The following NKD1 variants were observed in gnomAD, a reference collection of about 807,000 sequenced individuals.
NKD1 encodes NKD inhibitor of Wnt signaling pathway 1, also known as protein naked cuticle homolog 1.
In NKD1, 21 loss-of-function variants were observed where a neutral mutation model predicts 56.0. The ratio of observed to expected loss-of-function variants is 0.38; its 90% CI spans 0.27 to 0.54. The LOEUF (loss-of-function observed/expected upper bound fraction) is 0.54, where lower values mean the gene tolerates loss of function less well. Among genes scored for constraint, NKD1 ranks in the 20% least tolerant of loss-of-function variants. The pLI, the probability that NKD1 is intolerant of heterozygous loss-of-function variation, is 0.82. For missense variants in NKD1, 578 were observed against 642.7 expected (o/e 0.90, Z 1.09); for synonymous variants, 263 against 265.7 (o/e 0.99, Z 0.10).
chr16:50,552,505 A>G (rs1159876134), intron 3 of NKD1: 1 of 152,242 alleles, frequency 6.6e-6, no homozygotes, highest in Non-Finnish European at 1.5e-5. Flanking sequence ...AATGTCCCAG[A>G]TGAGTCCAAG....
At chr16:50,584,928 C>G (rs375332337) in intron 3 of NKD1, among the ~76,000 whole-genome samples, 2 of 152,304 alleles carry the variant, frequency 1.3e-5, no homozygotes, top group Admixed American at 6.5e-5. Context: ...GCCCAGGCGC[C>G]CAGACTGAGG....
intron 1 of NKD1, 37 bp from the exon 2 acceptor site, chr16:50,548,680 C>A: frequency 1.4e-6 from 2 of 1,463,680 alleles, no homozygotes; most frequent in African/African-American, 3.0e-5. Flanking sequence ...GCCGCCGCGG[C>A]TGCCGCCGCC....
rs958494670 is a variant in NKD1, at chr16:50,548,447, T to C, written c.-107T>C. 1.2e-4 allele frequency: 71 copies of C among 611,072 alleles called. No individual in the cohort carries two copies. The African/African-American group carries it at 1.4e-3, about 12-fold the overall frequency. The allele number at this position is 611,072 out of a possible 1,614,324, so 37.9% of individuals were successfully genotyped here. ...AGCGCGTCCCGGCGCCGCCTCGGGC[T>C]CCGCTCGGCTCGGGGGCTGCTTCGG... On this transcript the variant is annotated 5_prime_UTR_variant, in exon 1 of 10. Transcript: ENST00000268459.
intron 3 of NKD1, among the ~76,000 whole-genome samples, chr16:50,579,211 C>T (rs1268379282): frequency 2.6e-5 from 4 of 151,410 alleles, no homozygotes; most frequent in Non-Finnish European, 5.9e-5. Context: ...TACACACGCA[C>T]TCTAACCCGC....
intron 3 of NKD1, among the ~76,000 whole-genome samples, chr16:50,603,983 G>A (rs1355940663): frequency 2.6e-5 from 4 of 152,364 alleles, no homozygotes; most frequent in Non-Finnish European, 4.4e-5. Flanking sequence ...CCAGCCCCAG[G>A]TCAGGTGGAG....
rs572382791 is a variant in NKD1, at chr16:50,548,886, G to A, written c.58+137G>A. The A allele has an allele frequency of 1.5e-5, 16 of 1,102,302 alleles. No individual in the cohort carries two copies. The East Asian group carries it at 2.7e-4, about 18-fold the overall frequency. 68.3% of individuals were successfully genotyped at this position (1,102,302 alleles called of 1,614,324 possible). A position where few individuals can be genotyped will look rare whatever the true frequency, so the allele number is the denominator to read the frequency against. Reference sequence around the variant, plus strand: ...TTCCGGCCACCGGCCCCCCAAGCCCGCTCCCTGAGCAGCCTTCGCGCCCCC... The same window carrying A: ...TTCCGGCCACCGGCCCCCCAAGCCCACTCCCTGAGCAGCCTTCGCGCCCCC... On this transcript the variant is annotated intron_variant, in intron 2 of 9. Coordinates refer to ENST00000268459, the MANE Select transcript of NKD1 (RefSeq NM_033119.5).
chr16:50,556,731 T>C (rs954753323), intron 3 of NKD1: 1 of 149,740 alleles, frequency 6.7e-6, no homozygotes, highest in East Asian at 1.9e-4. Flanking sequence ...CAGTAGGGTT[T>C]TTTTTTTTTT....
chr16:50,633,295 G>C lies in NKD1; in HGVS notation c.927G>C (p.Lys309Asn), dbSNP rs748229301. The C allele has an allele frequency of 2.5e-6, 4 of 1,613,968 alleles. No homozygotes were observed. In the African/African-American group the frequency reaches 4.0e-5, roughly 16 times the overall value. Residue 309 changes from lysine to asparagine, a missense_variant, in exon 10 of 10, where the codon AAG (lysine) becomes AAC (asparagine). Physicochemically the swap from Lys to Asn is moderately conservative, Grantham distance 94. Transcript: ENST00000268459. This position sits in a 1 kb window ranked among gnomAD's most constrained non-coding sequence, Gnocchi z 4.9. Reference sequence around the variant, plus strand: ...AAGCCATCCACATCCCACACCGAAAGCCCCAAGGCGTGGACCCGGCCTCCT... The same window carrying C: ...AAGCCATCCACATCCCACACCGAAACCCCCAAGGCGTGGACCCGGCCTCCT... Reference protein sequence around the residue: ...EPEAIHIPHRKPQGVDPASFH... With the variant: ...EPEAIHIPHRNPQGVDPASFH...
chr16:50,566,676 C>T (rs1960765797), intron 3 of NKD1, among the ~76,000 whole-genome samples: 1 of 152,240 alleles, frequency 6.6e-6, no homozygotes, highest in Non-Finnish European at 1.5e-5. Flanking sequence ...AGGCTCTGGT[C>T]AGCAGCTGGC....
At chr16:50,629,509 A>C (rs1336875177) in intron 6 of NKD1, among the ~76,000 whole-genome samples, 1 of 152,152 alleles carries the variant, frequency 6.6e-6, no homozygotes, top group African/African-American at 2.4e-5. Flanking sequence ...TCCACCTCAA[A>C]GTTCACCTGC....
At chr16:50,588,079 G>A (rs1032627026) in intron 3 of NKD1, among the ~76,000 whole-genome samples, 1 of 152,192 alleles carries the variant, frequency 6.6e-6, no homozygotes, top group African/African-American at 2.4e-5. Context: ...TGGCTGATTT[G>A]GGTGGACAGC....
At position 50,551,576 on chromosome 16, in the gene NKD1, C is replaced by A. The variant is rs1431318975; in HGVS notation, c.192+2021C>A. On this transcript the variant is annotated intron_variant, in intron 3 of 9. Coordinates refer to ENST00000268459, the MANE Select transcript of NKD1 (RefSeq NM_033119.5). ...CCTGGGTTTTCACCAACCTTGGCCCCAGATGGCCCAGCCAGTGTGTCTGCA... is the reference window on the plus strand; with the variant it reads ...CCTGGGTTTTCACCAACCTTGGCCCAAGATGGCCCAGCCAGTGTGTCTGCA... 2.0e-5 allele frequency among the ~76,000 whole-genome samples: 3 copies of A among 152,270 alleles called. No individual in the cohort carries two copies. The East Asian group carries it at 5.8e-4, about 29-fold the overall frequency.
At chr16:50,617,275 C>G (rs79336036) in intron 4 of NKD1, among the ~76,000 whole-genome samples, 1,533 of 152,326 alleles carry the variant, frequency 0.01, 19 homozygotes, top group African/African-American at 0.034. Flanking sequence ...CTTTCGCTCT[C>G]TCTTCCTCCC....
At chr16:50,566,861 C>T (rs1960770133) in intron 3 of NKD1, among the ~76,000 whole-genome samples, 1 of 152,164 alleles carries the variant, frequency 6.6e-6, no homozygotes, top group Non-Finnish European at 1.5e-5. Context: ...GATTTTTAAC[C>T]CTCAAGGAGT....
At chr16:50,583,709 C>T (rs976248783) in intron 3 of NKD1, among the ~76,000 whole-genome samples, 7 of 152,170 alleles carry the variant, frequency 4.6e-5, no homozygotes, top group African/African-American at 1.4e-4. Context: ...TGTCCCCTGG[C>T]ACATGGTAGA....
At chr16:50,573,742 T>A (rs1232495339) in intron 3 of NKD1, 3 of 883,636 alleles carry the variant, frequency 3.4e-6, no homozygotes, top group Non-Finnish European at 4.1e-6. Flanking sequence ...TGTATTAGAA[T>A]AGCTTGGGGA....
At chr16:50,630,025 C>A (rs1446024019) in intron 6 of NKD1, among the ~76,000 whole-genome samples, 161 bp from the exon 7 acceptor site, 1 of 152,320 alleles carries the variant, frequency 6.6e-6, no homozygotes, top group East Asian at 1.9e-4. Flanking sequence ...TTCCTAGGAT[C>A]TCCTCCCAAA....
intron 3 of NKD1, among the ~76,000 whole-genome samples, chr16:50,576,355 A>G (rs1472806125): frequency 6.6e-6 from 1 of 152,210 alleles, no homozygotes; most frequent in Non-Finnish European, 1.5e-5. Flanking sequence ...TCCAGATAGC[A>G]AAGAAGATGT....
intron 3 of NKD1, among the ~76,000 whole-genome samples, chr16:50,595,400 G>C (rs765793854): frequency 2.8e-4 from 43 of 152,100 alleles, no homozygotes; most frequent in Non-Finnish European, 4.9e-4. Flanking sequence ...ATTCTCAGAG[G>C]GGCTGGGTCC....
Sources: gnomAD v4.1 joint callset for allele counts (sites outside exome capture counted in the v4.1 genomes callset) on GRCh38, gnomAD v4.1.1 for gene constraint, Gnocchi (gnomAD v3.1) non-coding constraint, MANE v1.5 for transcripts, NCBI Gene and HGNC (gene_info 2026-07-23, HGNC 2026-07-21) for gene names.